Variants in TMEM132C observed in about 807,000 individuals in gnomAD.
TMEM132C encodes the protein protein phosphatase 1, regulatory subunit 152.
In TMEM132C, 29 loss-of-function variants were observed where a neutral mutation model predicts 61.4. The observed-to-expected ratio is 0.47, with a 90% confidence interval of 0.35 to 0.64. The LOEUF (loss-of-function observed/expected upper bound fraction) is 0.64, where lower values mean the gene tolerates loss of function less well. Among genes scored for constraint, TMEM132C ranks in the 30% least tolerant of loss-of-function variants. TMEM132C has a pLI of 0.00. For synonymous variants in TMEM132C, 656 were observed against 633.1 expected (o/e 1.04, Z -0.54); for missense variants, 1,408 against 1,476.9 (o/e 0.95, Z 0.76).
At chr12:128,657,553 A>G (rs969183218) in intron 4 of TMEM132C, among the ~76,000 whole-genome samples, 1 of 152,106 alleles carries the variant, frequency 6.6e-6, no homozygotes, top group African/African-American at 2.4e-5. Flanking sequence ...GGGTGATGCC[A>G]GGGCTCGATC....
At chr12:128,592,992 TTCTC>T (rs1437613428) in intron 3 of TMEM132C, among the ~76,000 whole-genome samples, 1 of 152,006 alleles carries the variant, frequency 6.6e-6, no homozygotes, top group East Asian at 1.9e-4. Context: ...CTCTCTTTCT[TTCTC>T]TCTCTCTTCC....
chr12:128,473,567 C>T (rs936017429), intron 2 of TMEM132C, among the ~76,000 whole-genome samples: 10 of 143,736 alleles, frequency 7.0e-5, no homozygotes, highest in Non-Finnish European at 1.3e-4. Flanking sequence ...TTCATCCTTA[C>T]TCCAGCCTCT....
chr12:128,489,179 C>T (rs1404994391), intron 2 of TMEM132C, among the ~76,000 whole-genome samples: 1 of 152,068 alleles, frequency 6.6e-6, no homozygotes, highest in Non-Finnish European at 1.5e-5. Context: ...CCTGTCCACC[C>T]CAGTCAGTAC....
chr12:128,336,797 C>T (rs1872801846), intron 1 of TMEM132C, among the ~76,000 whole-genome samples: 1 of 152,184 alleles, frequency 6.6e-6, no homozygotes, highest in South Asian at 2.1e-4. Context: ...ACCCTGCATC[C>T]CTGCCATCTT....
intron 2 of TMEM132C, among the ~76,000 whole-genome samples, chr12:128,441,815 G>A (rs541490127): frequency 2.6e-4 from 40 of 152,222 alleles, no homozygotes; most frequent in African/African-American, 9.6e-4. Context: ...CCAACATGGC[G>A]AAACACATGT....
chr12:128,530,597 C>A (rs2136135348), intron 2 of TMEM132C, among the ~76,000 whole-genome samples: 1 of 152,264 alleles, frequency 6.6e-6, no homozygotes, highest in African/African-American at 2.4e-5. Flanking sequence ...GCATGTGCCA[C>A]CACGCCCATC....
chr12:128,493,785 T>G (rs1028676407), intron 2 of TMEM132C, among the ~76,000 whole-genome samples: 9 of 152,334 alleles, frequency 5.9e-5, no homozygotes, highest in African/African-American at 1.7e-4. Context: ...TACAATCATG[T>G]CATCTGCAAA....
chr12:128,705,567 A>C lies in TMEM132C; in HGVS notation c.2599A>C (p.Lys867Gln). 1 of 1,551,174 alleles carries C rather than the reference A, an allele frequency of 6.4e-7. No homozygotes were observed. The highest frequency in any genetic ancestry group is 8.7e-7 in the Non-Finnish European group (1 of 1,147,000). The stretch of plus-strand genomic sequence containing the variant: ...CACGGCCAGGTCCCTGCTGGACAAC[A>C]AAGTGGTGAAGAACAGTCGGGCAGA... ...TTTARSLLDN[K>Q]VVKNSRADGG... Residue 867 changes from lysine to glutamine, a missense_variant, in exon 9 of 9, where the codon AAA (lysine) becomes CAA (glutamine). Lys to Gln is a moderately conservative substitution (Grantham distance 53). Coordinates refer to ENST00000435159, the MANE Select transcript of TMEM132C (RefSeq NM_001136103.3).
chr12:128,341,871 C>T (rs1872986479), intron 1 of TMEM132C, among the ~76,000 whole-genome samples: 1 of 144,166 alleles, frequency 6.9e-6, no homozygotes, highest in Non-Finnish European at 1.5e-5. Flanking sequence ...CGATAAACCA[C>T]TGGTGATTTG....
intron 1 of TMEM132C, among the ~76,000 whole-genome samples, chr12:128,405,381 C>T (rs867349805): frequency 6.6e-6 from 1 of 152,076 alleles, no homozygotes; most frequent in Non-Finnish European, 1.5e-5. Flanking sequence ...ACAGGTTCGT[C>T]GAGGAGTCGT....
chr12:128,269,738 T>C (rs113311053), intron 1 of TMEM132C, among the ~76,000 whole-genome samples: 271 of 152,178 alleles, frequency 1.8e-3, no homozygotes, highest in African/African-American at 6.4e-3. Context: ...CCCCTCGGAT[T>C]CCTCCACACG....
At chr12:128,490,972 CA>C (rs1164824148) in intron 2 of TMEM132C, among the ~76,000 whole-genome samples, 1 of 152,134 alleles carries the variant, frequency 6.6e-6, no homozygotes, top group Non-Finnish European at 1.5e-5. Flanking sequence ...GTTATAATAC[CA>C]ATTTTTCAGA....
intron 6 of TMEM132C, among the ~76,000 whole-genome samples, chr12:128,695,501 C>A (rs568644854): frequency 6.6e-6 from 1 of 152,144 alleles, no homozygotes; most frequent in African/African-American, 2.4e-5. Context: ...TTAGCCTGGA[C>A]AACAGAGCAA....
chr12:128,523,769 G>A (rs894643063), intron 2 of TMEM132C, among the ~76,000 whole-genome samples: 2 of 150,674 alleles, frequency 1.3e-5, no homozygotes, highest in Non-Finnish European at 2.9e-5. Flanking sequence ...AGAGGCCGAG[G>A]GAGGAGGATT....
chr12:128,561,514 T>C (rs1183518258), intron 3 of TMEM132C, among the ~76,000 whole-genome samples: 2 of 152,228 alleles, frequency 1.3e-5, no homozygotes, highest in African/African-American at 2.4e-5. Context: ...CCTGAACTTC[T>C]GTATTTATAT....
At chr12:128,417,037 A>G (rs1355794876) in intron 2 of TMEM132C, among the ~76,000 whole-genome samples, 1 of 152,154 alleles carries the variant, frequency 6.6e-6, no homozygotes. Flanking sequence ...TGAAAGTATC[A>G]TGACCTTGTG....
chr12:128,346,699 T>C (rs1873169383), intron 1 of TMEM132C, among the ~76,000 whole-genome samples: 1 of 152,220 alleles, frequency 6.6e-6, no homozygotes. Flanking sequence ...GGCTCTTGTC[T>C]TGACTGTCGA....
chr12:128,619,817 T>A (rs1010567666), intron 4 of TMEM132C, among the ~76,000 whole-genome samples: 3 of 152,148 alleles, frequency 2.0e-5, no homozygotes, highest in Non-Finnish European at 4.4e-5. Context: ...CAGTTCTTCT[T>A]CAATGTAAGA....
chr12:128,431,485 G>A (rs567648353), intron 2 of TMEM132C, among the ~76,000 whole-genome samples: 2 of 151,568 alleles, frequency 1.3e-5, no homozygotes, highest in Admixed American at 1.3e-4. Flanking sequence ...GCACTAAACA[G>A]CAGATCTTCA....
Sources: allele counts gnomAD v4.1 joint callset (sites outside exome capture counted in the v4.1 genomes callset), GRCh38; gene constraint gnomAD v4.1.1; transcripts MANE v1.5; gene names NCBI Gene and HGNC (gene_info 2026-07-23, HGNC 2026-07-21).